The following PGAP2 variants were observed in gnomAD, a reference collection of about 807,000 sequenced individuals.
The protein encoded by PGAP2 is post-GPI attachment to proteins 2.
In PGAP2, 21 loss-of-function variants were observed where a neutral mutation model predicts 33.2. The observed-to-expected ratio is 0.63, with a 90% CI of 0.45 to 0.91. The LOEUF (loss-of-function observed/expected upper bound fraction) is 0.91. PGAP2 is among the 40% of genes least tolerant of loss of function. PGAP2 has a pLI of 0.00. For synonymous variants in PGAP2, 161 were observed against 172.9 expected, an observed-to-expected ratio of 0.93 and a Z score of 0.54; for missense variants, 345 against 424.0, an observed-to-expected ratio of 0.81 and a Z score of 1.64.
chr11:3,800,663 T>C (rs201548518), intron 1 of PGAP2, among the ~76,000 whole-genome samples: 1 of 151,466 alleles, frequency 6.6e-6, no homozygotes, highest in Non-Finnish European at 1.5e-5. Context: ...TACAAAAAAA[T>C]TAGCCGGGCG....
chr11:3,801,762 C>T (rs1448656935), intron 1 of PGAP2, among the ~76,000 whole-genome samples: 8 of 151,264 alleles, frequency 5.3e-5, no homozygotes, highest in South Asian at 4.2e-4. Flanking sequence ...CTGGCCAACA[C>T]GGCGAAACCT....
rs1272358878 is a variant in PGAP2 at position 3,825,601 on chromosome 11, C to A, written c.*143C>A. 10 of 840,854 alleles carry A rather than the reference C, an allele frequency of 1.2e-5. No homozygotes were observed. The Admixed American group carries it at 2.6e-4, about 22-fold the overall frequency. The allele number at this position is 840,854 out of a possible 1,614,324, so 52.1% of individuals were successfully genotyped here. A position where few individuals can be genotyped will look rare whatever the true frequency, so the allele number is the denominator to read the frequency against. On this transcript the variant is annotated 3_prime_UTR_variant, in exon 7 of 7. Transcript: ENST00000278243. ...TAAGAAGGAAGGGTGTAGGCCAAGG[C>A]TCACCCCAGTGCTGCTGGCTTCTCC... is the stretch of plus-strand genomic sequence containing the variant.
Position 3,817,435 on chromosome 11 carries a change from T to C in PGAP2, c.248T>C (p.Met83Thr). The change falls in exon 3 of 7, where the codon ATG (methionine) becomes ACG (threonine). Residue 83 changes from methionine (M) to threonine (T), a missense_variant. Coordinates refer to ENST00000278243, the MANE Select transcript of PGAP2 (RefSeq NM_014489.4). ...GTLFRLRFTA[M>T]VWWAITFPVF... ...TTGTTCCGGCTTCGCTTCACAGCCA[T>C]GGTCTGGTGGGCCATCACTTTTCCT... is the stretch of plus-strand genomic sequence containing the variant. 6.2e-7 allele frequency: 1 copy of C among 1,614,126 alleles called. No individual in the cohort carries two copies.
Position 3,824,101 on chromosome 11 carries a change from A to G in PGAP2, c.567A>G (p.Leu189=), listed in dbSNP as rs922228316. The G allele has an allele frequency of 6.2e-6, 10 of 1,614,044 alleles. No individual in the cohort carries two copies. Among genetic ancestry groups the G allele is most frequent in the South Asian group, 3.3e-5 (3 of 91,070 alleles). Residue 189 remains leucine, a synonymous_variant, in exon 4 of 7, where the codon CTA becomes CTG. Transcript: ENST00000278243. ...ATGTCGTGGAGAACCTCGCGTTGCT[A>G]GTGCTCACTTATGTCTCCTCCTCCG... ...GLNVVENLAL[L]VLTYVSSSED... is the part of the protein sequence containing the mutation.
intron 2 of PGAP2, among the ~76,000 whole-genome samples, chr11:3,813,006 C>T (rs186793520): frequency 7.9e-5 from 12 of 152,268 alleles, no homozygotes; most frequent in African/African-American, 1.2e-4. Context: ...ATTCCTGTTA[C>T]GCTAGCCACT....
intron 2 of PGAP2, among the ~76,000 whole-genome samples, chr11:3,813,546 G>C (rs531371685): frequency 6.6e-6 from 1 of 152,186 alleles, no homozygotes; most frequent in African/African-American, 2.4e-5. Flanking sequence ...ACCATGCCCA[G>C]CTAATTTTTG....
At chr11:3,821,536 T>A (rs2088633379) in intron 3 of PGAP2, among the ~76,000 whole-genome samples, 1 of 152,056 alleles carries the variant, frequency 6.6e-6, no homozygotes, top group South Asian at 2.1e-4. Flanking sequence ...GGCAGGCAGA[T>A]CACCAGAGGT....
intron 3 of PGAP2, among the ~76,000 whole-genome samples, chr11:3,822,477 C>T (rs948160035): frequency 1.3e-5 from 2 of 152,076 alleles, no homozygotes; most frequent in African/African-American, 4.8e-5. Context: ...TTGAGACCAG[C>T]ATGGGACACA....
intron 3 of PGAP2, among the ~76,000 whole-genome samples, chr11:3,819,880 A>T (rs1028661983): frequency 6.6e-6 from 1 of 151,990 alleles, no homozygotes; most frequent in African/African-American, 2.4e-5. Flanking sequence ...GATGGAAGAG[A>T]CAGTCCCTGC....
At chr11:3,818,663 A>C (rs1274536237) in intron 3 of PGAP2, among the ~76,000 whole-genome samples, 2 of 152,162 alleles carry the variant, frequency 1.3e-5, no homozygotes, top group Admixed American at 1.3e-4. Flanking sequence ...TGTCTCCCAC[A>C]ATCAGTCCAC....
intron 3 of PGAP2, among the ~76,000 whole-genome samples, chr11:3,821,680 C>T (rs925386521): frequency 4.6e-5 from 7 of 151,706 alleles, no homozygotes; most frequent in Non-Finnish European, 8.8e-5. Context: ...ATTGCTTGAC[C>T]GCAGGAAGCG....
Position 3,808,563 on chromosome 11 carries a change from C to G in PGAP2, c.-99C>G. 7.2e-7 allele frequency: 1 copy of G among 1,388,940 alleles called. No homozygotes were observed. Among genetic ancestry groups the G allele is most frequent in the Non-Finnish European group, 9.3e-7 (1 of 1,072,408 alleles). The allele number at this position is 1,388,940 out of a possible 1,614,324, so 86.0% of individuals were successfully genotyped here. ...GAGCGCCGGCCCCGCCCCCGCCGTT[C>G]GCGCTCTGACCAGCCCGCAGAGCCA... On this transcript the variant is annotated 5_prime_UTR_variant, in exon 1 of 7. Transcript: ENST00000278243.
intron 6 of PGAP2, 78 bp downstream of exon 6, chr11:3,825,206 T>A (rs2089812050): frequency 2.6e-6 from 4 of 1,559,070 alleles, no homozygotes; most frequent in Non-Finnish European, 2.7e-6. Flanking sequence ...TGGGCAATGG[T>A]CTTGGGGACT....
chr11:3,805,259 CTT>C (rs1171517604), upstream of PGAP2, among the ~76,000 whole-genome samples: 2,930 of 123,098 alleles, frequency 0.024, 80 homozygotes, highest in African/African-American at 0.08. Context: ...TGTGGATATT[CTT>C]TTTTTTTTTT....
chr11:3,803,735 T>C (rs942257828), upstream of PGAP2, among the ~76,000 whole-genome samples: 1 of 148,656 alleles, frequency 6.7e-6, no homozygotes, highest in Non-Finnish European at 1.5e-5. Flanking sequence ...GCCAATACTT[T>C]GGCTTTTAAC....
At chr11:3,817,640 G>C (rs1279601625) in intron 3 of PGAP2, 105 bp downstream of exon 3, 6 of 926,750 alleles carry the variant, frequency 6.5e-6, no homozygotes, top group Non-Finnish European at 7.0e-6. Context: ...GAGAGGGAAA[G>C]GGACAAGGGG....
intron 6 of PGAP2, 80 bp from the exon 7 acceptor site, chr11:3,825,248 T>C (rs2089821408): frequency 5.1e-6 from 8 of 1,562,442 alleles, no homozygotes; most frequent in Admixed American, 1.7e-5. Context: ...GGCAGACCAA[T>C]GGTGGTGTGA....
chr11:3,798,182 C>A, intron 1 of PGAP2: 1 of 1,333,362 alleles, frequency 7.5e-7, no homozygotes, highest in South Asian at 1.8e-5. Context: ...CATGCTCGCC[C>A]CAGCACTTTC....
At chr11:3,808,931 C>T (rs2084991855) in intron 1 of PGAP2, among the ~76,000 whole-genome samples, 1 of 152,154 alleles carries the variant, frequency 6.6e-6, no homozygotes, top group South Asian at 2.1e-4. Flanking sequence ...GAGGATGGGG[C>T]CCCGGGGTTG....
Sources: allele counts gnomAD v4.1 joint callset (sites outside exome capture counted in the v4.1 genomes callset), GRCh38; gene constraint gnomAD v4.1.1; transcripts MANE v1.5; gene names NCBI Gene and HGNC (gene_info 2026-07-23, HGNC 2026-07-21).